ZNF577: variants seen among roughly 807,000 people sequenced by gnomAD.
ZNF577 encodes the protein zinc finger protein 577.
A neutral mutation model predicts 13.9 loss-of-function variants in ZNF577; 14 were observed. The observed-to-expected ratio is 1.00, with a 90% CI of 0.66 to 1.57. ZNF577 has a LOEUF of 1.57. Among genes scored for constraint, ZNF577 ranks in the 40% most tolerant of loss-of-function variants. ZNF577 has a pLI of 0.00. For synonymous variants in ZNF577, 203 were observed against 202.9 expected (o/e 1.00, Z 0.00); for missense variants, 555 against 579.2 (o/e 0.96, Z 0.43).
rs962418047 is a variant in ZNF577 at position 51,860,993 on chromosome 19, A to G, written c.284-16062T>C. Reference sequence around the variant, plus strand: ...GAATGAATACCCTAATGTGTAACAAATATAATTTGAGAATGATTTATCATT... The same window carrying G: ...GAATGAATACCCTAATGTGTAACAAGTATAATTTGAGAATGATTTATCATT... On this transcript the variant is annotated intron_variant and NMD_transcript_variant, in intron 5 of 10. Coordinates refer to the ZNF577 transcript ENST00000638827. The G allele has an allele frequency of 7.2e-6, 3 of 414,990 alleles. No individual in the cohort carries two copies. In the East Asian group the frequency reaches 2.7e-4, roughly 37 times the overall value. 25.7% of individuals were successfully genotyped at this position (414,990 alleles called of 1,614,324 possible).
rs1005752866 is a variant in ZNF577, at chr19:51,869,451, T to C, written c.*3081A>G. ...CTTCGCTCATGTTTCCTGCTGACCC[T>C]CTCCCCACCATTACCCTATAGTCCT... is the stretch of plus-strand genomic sequence containing the variant. On this transcript the variant is annotated 3_prime_UTR_variant, in exon 6 of 6. Coordinates refer to ENST00000638348, the MANE Select transcript of ZNF577 (RefSeq NM_001370449.1). Among the ~76,000 whole-genome samples the C allele has an allele frequency of 6.6e-6, 1 of 152,018 alleles. No individual in the cohort carries two copies. The highest frequency in any genetic ancestry group is 2.4e-5 in the African/African-American group (1 of 41,382).
intron 5 of ZNF577, among the ~76,000 whole-genome samples, chr19:51,851,886 C>T (rs1290492541): frequency 6.6e-6 from 1 of 152,172 alleles, no homozygotes; most frequent in Non-Finnish European, 1.5e-5. Flanking sequence ...GGACATTCGC[C>T]CCAGACACTT....
In ZNF577 at chr19:51,868,565, C is replaced by G. The variant is rs372671085; in HGVS notation, c.*3967G>C. On this transcript the variant is annotated 3_prime_UTR_variant, in exon 6 of 6. Coordinates refer to ENST00000638348, the MANE Select transcript of ZNF577 (RefSeq NM_001370449.1). ...AAAGACTGCCCCAGCCAAAGCAGAA[C>G]TGCCAGATGAGCTCAGAATTAATAT... Among the ~76,000 whole-genome samples, 1 of 152,166 alleles carries G rather than the reference C, an allele frequency of 6.6e-6. No individual in the cohort carries two copies. The highest frequency in any genetic ancestry group is 2.4e-5 in the African/African-American group (1 of 41,434).
In ZNF577 at chr19:51,832,605, T is replaced by G. The variant is rs2122520758; in HGVS notation, c.*599+7288A>C. 2.6e-5 allele frequency among the ~76,000 whole-genome samples: 4 copies of G among 152,308 alleles called. 1 individual carries two copies. The Middle Eastern group carries it at 0.014, about 518-fold the overall frequency. ...GTGCTTTTGGTGTCATGTCAAAGAA[T>G]TCTTTGGTTAGCTCTTGGTCCTGGA... On this transcript the variant is annotated intron_variant and NMD_transcript_variant, in intron 9 of 10. Coordinates refer to the ZNF577 transcript ENST00000638827.
chr19:51,854,470 A>G (rs1001661388), intron 5 of ZNF577, among the ~76,000 whole-genome samples: 3 of 150,022 alleles, frequency 2.0e-5, no homozygotes, highest in Admixed American at 6.6e-5. Context: ...CTGGGACTAC[A>G]GGAATGCACC....
chr19:51,882,368 C>T (rs1181275282), intron 1 of ZNF577, among the ~76,000 whole-genome samples: 1 of 151,896 alleles, frequency 6.6e-6, no homozygotes, highest in Non-Finnish European at 1.5e-5. Context: ...ATCTGGATTT[C>T]CTACTGAACT....
At chr19:51,804,526 AT>A (rs970597713), downstream of ZNF577, among the ~76,000 whole-genome samples, 9 of 152,202 alleles carry the variant, frequency 5.9e-5, no homozygotes, top group African/African-American at 2.2e-4. Flanking sequence ...TCATATATTA[AT>A]TTTTATACCA....
Position 51,847,823 on chromosome 19 carries a change from T to C in ZNF577, c.284-2892A>G, listed in dbSNP as rs73934677. 6.0e-3 allele frequency among the ~76,000 whole-genome samples: 914 copies of C among 152,300 alleles called. 12 individuals carry two copies. Among genetic ancestry groups the C allele is most frequent in the African/African-American group, 0.021 (886 of 41,554 alleles). On this transcript the variant is annotated intron_variant and NMD_transcript_variant, in intron 5 of 10. Coordinates refer to the ZNF577 transcript ENST00000638827. ...ATCTCACACAGGAGTCCCGTGAATT[T>C]ACTCCCTGGAAGGCAAAGCTTCCAT...
chr19:51,877,085 T>C (rs553737108), intron 5 of ZNF577, among the ~76,000 whole-genome samples, 197 bp downstream of exon 5: 30 of 151,794 alleles, frequency 2.0e-4, no homozygotes, highest in African/African-American at 5.3e-4. Context: ...ATCCAGAAAA[T>C]AGAAGAAAGG....
Position 51,872,733 on chromosome 19 carries a change from G to A in ZNF577, c.1257C>T (p.Ser419=), listed in dbSNP as rs766126858. ...TVNTVPIEMP[S]SGTPPLLNKS... ...TGTTTAACAATGGCGGGGTTCCTGA[G>A]GAAGGCATTTCTATAGGTACTGTGT... The change falls in exon 6 of 6, where the codon TCC becomes TCT. Residue 419 remains serine, a synonymous_variant. Coordinates refer to ENST00000638348, the MANE Select transcript of ZNF577 (RefSeq NM_001370449.1). 84 of 1,614,180 alleles carry A rather than the reference G, an allele frequency of 5.2e-5. No homozygotes were observed. The highest frequency in any genetic ancestry group is 6.9e-5 in the Non-Finnish European group (82 of 1,180,030).
chr19:51,844,050 CTTTTTTTT>C (rs34391853), intron 6 of ZNF577, among the ~76,000 whole-genome samples: 73 of 127,096 alleles, frequency 5.7e-4, no homozygotes, highest in African/African-American at 2.0e-3. Flanking sequence ...AGCCACTACA[CTTTTTTTT>C]TTTTTTTTTT....
intron 5 of ZNF577, among the ~76,000 whole-genome samples, chr19:51,857,319 A>G (rs2084434371): frequency 6.6e-6 from 1 of 150,970 alleles, no homozygotes; most frequent in Admixed American, 6.6e-5. Context: ...AAGGAAGGAA[A>G]AGAAAAGGAG....
At chr19:51,828,625 T>C (rs1251082148) in intron 9 of ZNF577, among the ~76,000 whole-genome samples, 2 of 152,128 alleles carry the variant, frequency 1.3e-5, no homozygotes, top group Non-Finnish European at 2.9e-5. Context: ...TATGATATAT[T>C]GTGGGTTCAG....
intron 9 of ZNF577, among the ~76,000 whole-genome samples, chr19:51,816,184 C>T (rs1009733922): frequency 7.9e-5 from 12 of 152,194 alleles, no homozygotes; most frequent in Admixed American, 7.2e-4. Context: ...CATGTACCAC[C>T]TCAACCTCTC....
At position 51,868,122 on chromosome 19, in the gene ZNF577, G is replaced by A. The variant is rs2084594240; in HGVS notation, c.*4410C>T. 6.6e-6 allele frequency among the ~76,000 whole-genome samples: 1 copy of A among 152,212 alleles called. No individual in the cohort carries two copies. Among genetic ancestry groups the A allele is most frequent in the African/African-American group, 2.4e-5 (1 of 41,450 alleles). The stretch of plus-strand genomic sequence containing the variant: ...TGCACCAGCAGTTGTAGGTTTTTAA[G>A]TGTGTCAAATTTCTTTATACATAAA... On this transcript the variant is annotated 3_prime_UTR_variant, in exon 6 of 6. Coordinates refer to ENST00000638348, the MANE Select transcript of ZNF577 (RefSeq NM_001370449.1).
At chr19:51,819,142 A>C (rs919736050) in intron 9 of ZNF577, among the ~76,000 whole-genome samples, 1 of 152,150 alleles carries the variant, frequency 6.6e-6, no homozygotes, top group African/African-American at 2.4e-5. Context: ...GAATATTTAA[A>C]CTCCAAATAG....
In ZNF577 at chr19:51,818,160, G is replaced by A. The variant is rs1170919121; in HGVS notation, c.*600-6486C>T. ...CTATTTTTCTCATTTAACCTTAAGTGTGCTATAAATATAAAATGCATCTCA... is the reference window on the plus strand; with the variant it reads ...CTATTTTTCTCATTTAACCTTAAGTATGCTATAAATATAAAATGCATCTCA... On this transcript the variant is annotated intron_variant and NMD_transcript_variant, in intron 9 of 10. Coordinates refer to the ZNF577 transcript ENST00000638827. Among the ~76,000 whole-genome samples, 6 of 152,226 alleles carry A rather than the reference G, an allele frequency of 3.9e-5. No individual in the cohort carries two copies. In the East Asian group the frequency reaches 1.2e-3, roughly 29 times the overall value.
intron 5 of ZNF577, among the ~76,000 whole-genome samples, chr19:51,846,864 T>G (rs1392005105): frequency 6.6e-6 from 1 of 152,152 alleles, no homozygotes; most frequent in East Asian, 1.9e-4. Context: ...GAAAACAAGT[T>G]TCTCTTGTTT....
chr19:51,812,263 A>G (rs1343252410), intron 9 of ZNF577, among the ~76,000 whole-genome samples: 2 of 152,218 alleles, frequency 1.3e-5, no homozygotes, highest in African/African-American at 4.8e-5. Context: ...GCCTTCAATA[A>G]TTAAAATTTG....
Sources: gnomAD v4.1 joint callset for allele counts (sites outside exome capture counted in the v4.1 genomes callset) on GRCh38, gnomAD v4.1.1 for gene constraint, MANE v1.5 for transcripts, NCBI Gene and HGNC (gene_info 2026-07-23, HGNC 2026-07-21) for gene names.